The following ANO4 variants were observed in gnomAD, a reference collection of about 807,000 sequenced individuals.
ANO4 encodes anoctamin 4.
A neutral mutation model predicts 141.9 loss-of-function variants in ANO4; 69 were observed. The observed-to-expected ratio is 0.49, with a 90% CI of 0.40 to 0.59. The LOEUF is 0.59. ANO4 is among the 20% of genes least tolerant of loss of function. The pLI is 0.00. For missense variants in ANO4, 894 were observed against 1,162.2 expected, an observed-to-expected ratio of 0.77 and a Z score of 3.36; for synonymous variants, 350 against 394.3, an observed-to-expected ratio of 0.89 and a Z score of 1.33.
chr12:100,974,933 G>T, intron 7 of ANO4, 44 bp downstream of exon 7: 3 of 1,604,650 alleles, frequency 1.9e-6, no homozygotes, highest in Non-Finnish European at 1.7e-6. Context: ...CTTTCTGTTG[G>T]CCCGTGTGCT....
intron 1 of ANO4, among the ~76,000 whole-genome samples, chr12:100,833,213 A>T (rs1308065636): frequency 6.6e-6 from 1 of 152,172 alleles, no homozygotes; most frequent in East Asian, 1.9e-4. Context: ...AAAAGTAATT[A>T]AAAACTGAAA....
intron 2 of ANO4, among the ~76,000 whole-genome samples, chr12:100,903,406 C>A (rs1267933897): frequency 6.6e-6 from 1 of 152,194 alleles, no homozygotes; most frequent in Non-Finnish European, 1.5e-5. Context: ...TTCATCTGTA[C>A]CCCTAATCAG....
In ANO4 at chr12:100,922,252, C is replaced by CAGGT. The variant is rs1164408407; in HGVS notation, c.84_85insGTAG (p.Leu29ValfsTer9). On this transcript the variant is annotated frameshift_variant, in exon 3 of 28. Coordinates refer to ENST00000392977, the MANE Select transcript of ANO4 (RefSeq NM_001286615.2). LOFTEE classifies it high-confidence loss of function. ...AGGAGGTGTGGATTTGCAAGGCTAC[C>CAGGT]AGCTGGATATGCAAATACTACCTGA... 3 of 1,532,298 alleles carry CAGGT rather than the reference C, an allele frequency of 2.0e-6. No homozygotes were observed. The highest frequency in any genetic ancestry group is 2.6e-6 in the Non-Finnish European group (3 of 1,145,570). 94.9% of individuals were successfully genotyped at this position (1,532,298 alleles called of 1,614,324 possible). A position where few individuals can be genotyped will look rare whatever the true frequency, so the allele number is the denominator to read the frequency against.
chr12:101,020,602 T>A (rs528724162), intron 9 of ANO4, among the ~76,000 whole-genome samples: 2 of 152,154 alleles, frequency 1.3e-5, no homozygotes, highest in Non-Finnish European at 2.9e-5. Flanking sequence ...AAGCTGAAAT[T>A]TGAACTGAGA....
chr12:101,107,595 C>A (rs2050500036), intron 22 of ANO4, among the ~76,000 whole-genome samples: 1 of 152,062 alleles, frequency 6.6e-6, no homozygotes. Context: ...CTAGTGTGGC[C>A]AGAGTAGAGG....
rs1275759111 is a variant in ANO4, at chr12:100,939,318, C to T, written c.164C>T (p.Ala55Val). 2 of 1,612,640 alleles carry T rather than the reference C, an allele frequency of 1.2e-6. No homozygotes were observed. Among genetic ancestry groups the T allele is most frequent in the African/African-American group, 1.3e-5 (1 of 74,978 alleles). Residue 55 changes from alanine to valine, a missense_variant, in exon 4 of 28, where the codon GCC becomes GTC. Coordinates refer to ENST00000392977, the MANE Select transcript of ANO4 (RefSeq NM_001286615.2). ...SEILNAIQEM[A>V]KDVNILFDEL... Reference sequence around the variant, plus strand: ...AATGTATTTACTTTGGTTCTAGTGGCCAAGGATGTCAATATTCTTTTTGAT... The same window carrying T: ...AATGTATTTACTTTGGTTCTAGTGGTCAAGGATGTCAATATTCTTTTTGAT...
intron 2 of ANO4, among the ~76,000 whole-genome samples, chr12:100,739,081 TTATG>T (rs546309640): frequency 1.9e-4 from 27 of 143,270 alleles, no homozygotes; most frequent in African/African-American, 6.2e-4. Context: ...ATCTAAATCT[TTATG>T]TATATATAAT....
At chr12:100,944,999 C>T (rs1239286304) in intron 5 of ANO4, among the ~76,000 whole-genome samples, 1 of 152,106 alleles carries the variant, frequency 6.6e-6, no homozygotes, top group Non-Finnish European at 1.5e-5. Context: ...GGAGTTAATT[C>T]AACCTTTTAT....
At chr12:100,993,948 A>T (rs2136364518) in intron 8 of ANO4, among the ~76,000 whole-genome samples, 1 of 152,294 alleles carries the variant, frequency 6.6e-6, no homozygotes, top group Admixed American at 6.5e-5. Flanking sequence ...CTCTATTGTG[A>T]GATTTCTCAG....
chr12:101,090,086 A>G (rs2049693442), intron 17 of ANO4, among the ~76,000 whole-genome samples: 1 of 152,202 alleles, frequency 6.6e-6, no homozygotes, highest in Non-Finnish European at 1.5e-5. Context: ...ATCCTTAAAA[A>G]GTCAGGAAAC....
chr12:100,933,515 A>G (rs1340736101), intron 3 of ANO4, among the ~76,000 whole-genome samples: 2 of 152,204 alleles, frequency 1.3e-5, no homozygotes, highest in Non-Finnish European at 2.9e-5. Flanking sequence ...AATCCAGTCT[A>G]TCATTGATGG....
At chr12:100,724,773 G>C (rs1030019823) in intron 1 of ANO4, among the ~76,000 whole-genome samples, 1 of 152,188 alleles carries the variant, frequency 6.6e-6, no homozygotes, top group Non-Finnish European at 1.5e-5. Context: ...GGGAGGTTAG[G>C]TGAGGAGATA....
intron 8 of ANO4, among the ~76,000 whole-genome samples, chr12:101,006,786 T>G (rs894576837): frequency 6.6e-6 from 1 of 152,208 alleles, no homozygotes; most frequent in Non-Finnish European, 1.5e-5. Flanking sequence ...TGTTGTGGAT[T>G]ATAAAACATT....
intron 1 of ANO4, among the ~76,000 whole-genome samples, chr12:100,855,507 T>A (rs1281330370): frequency 2.0e-5 from 3 of 152,186 alleles, no homozygotes; most frequent in African/African-American, 7.2e-5. Flanking sequence ...CCCGTATTTC[T>A]TTGTAATCTT....
chr12:100,847,594 C>A lies in ANO4; in HGVS notation c.-141+52567C>A, dbSNP rs575684853. Among the ~76,000 whole-genome samples the A allele has an allele frequency of 3.2e-3, 490 of 152,034 alleles. 3 individuals carry two copies. The highest frequency in any genetic ancestry group is 0.012 in the African/African-American group (477 of 41,446). ...TCACGCCATTCTCCTGACTCAGCCT[C>A]CCGAGTAGCTGGGACTACAGGTGCC... On this transcript the variant is annotated intron_variant, in intron 1 of 27. Coordinates refer to ENST00000392977, the MANE Select transcript of ANO4 (RefSeq NM_001286615.2).
At chr12:101,110,374 C>T (rs186901897) in intron 22 of ANO4, 30 bp from the exon 23 acceptor site, 2 of 1,575,304 alleles carry the variant, frequency 1.3e-6, no homozygotes, top group East Asian at 4.6e-5. Flanking sequence ...AACCAATACT[C>T]TCTGCTCTTT....
chr12:101,093,630 C>CA (rs1566238745), intron 17 of ANO4, among the ~76,000 whole-genome samples: 1 of 152,114 alleles, frequency 6.6e-6, no homozygotes, highest in Non-Finnish European at 1.5e-5. Context: ...GGTACACACA[C>CA]GCACACACAA....
chr12:101,099,761 T>C, intron 22 of ANO4, 41 bp downstream of exon 22: 1 of 1,466,698 alleles, frequency 6.8e-7, no homozygotes, highest in Non-Finnish European at 9.0e-7. Flanking sequence ...TTATAAATTT[T>C]AGATCTCCAG....
At chr12:100,970,771 T>C (rs2043898232) in intron 5 of ANO4, among the ~76,000 whole-genome samples, 1 of 150,702 alleles carries the variant, frequency 6.6e-6, no homozygotes, top group Non-Finnish European at 1.5e-5. Context: ...CAGATTAGAG[T>C]GCAGTGGCAC....
Sources: allele counts gnomAD v4.1 joint callset (sites outside exome capture counted in the v4.1 genomes callset), GRCh38; gene constraint gnomAD v4.1.1; transcripts MANE v1.5; gene names NCBI Gene and HGNC (gene_info 2026-07-23, HGNC 2026-07-21).